Variants in FER observed in about 807,000 individuals in gnomAD.
The protein encoded by FER is FER tyrosine kinase.
A neutral mutation model predicts 111.0 loss-of-function variants in FER; 63 were observed. The ratio of observed to expected loss-of-function variants is 0.57; its 90% confidence interval spans 0.46 to 0.70. FER has a LOEUF of 0.70. Among genes scored for constraint, FER ranks in the 30% least tolerant of loss-of-function variants. The probability of loss-of-function intolerance (pLI) is 0.00; values close to 1 mark genes in which losing one functional copy is unlikely to be tolerated. For synonymous variants in FER, 327 were observed against 313.9 expected, an observed-to-expected ratio of 1.04 and a Z score of -0.44; for missense variants, 914 against 954.0, an observed-to-expected ratio of 0.96 and a Z score of 0.55.
At chr5:109,154,649 T>C (rs953283433) in intron 17 of FER, among the ~76,000 whole-genome samples, 1 of 151,904 alleles carries the variant, frequency 6.6e-6, no homozygotes, top group African/African-American at 2.4e-5. Context: ...ACTTTCAAAA[T>C]GTTCAGAGAA....
intron 2 of FER, among the ~76,000 whole-genome samples, chr5:108,775,476 T>C (rs1385893576): frequency 6.6e-6 from 1 of 152,220 alleles, no homozygotes; most frequent in Non-Finnish European, 1.5e-5. Flanking sequence ...TTGTTAATAA[T>C]TCTGCTCTCC....
intron 10 of FER, among the ~76,000 whole-genome samples, chr5:108,908,738 A>AC (rs1307614219): frequency 1.5e-4 from 23 of 152,146 alleles, no homozygotes; most frequent in African/African-American, 4.1e-4. Context: ...AAAAAAAAAA[A>AC]AATTTATATT....
chr5:108,993,890 T>C (rs1332684739), intron 13 of FER, among the ~76,000 whole-genome samples: 1 of 152,018 alleles, frequency 6.6e-6, no homozygotes, highest in African/African-American at 2.4e-5. Context: ...GATGTTGAGC[T>C]TTTTTTTCAT....
intron 12 of FER, among the ~76,000 whole-genome samples, chr5:108,956,419 C>G: frequency 6.6e-6 from 1 of 151,578 alleles, no homozygotes; most frequent in South Asian, 2.1e-4. Flanking sequence ...AAATATTTGT[C>G]TTATTATCAC....
intron 16 of FER, among the ~76,000 whole-genome samples, chr5:109,067,534 AT>A (rs921321018): frequency 1.3e-5 from 2 of 150,676 alleles, no homozygotes; most frequent in African/African-American, 4.9e-5. Flanking sequence ...TGCCCTCTTT[AT>A]TTTTTTTAAT....
chr5:108,816,287 A>T (rs1758272333), intron 3 of FER, among the ~76,000 whole-genome samples: 1 of 152,236 alleles, frequency 6.6e-6, no homozygotes, highest in South Asian at 2.1e-4. Context: ...CATAGTAGAC[A>T]CACACTTCAG....
chr5:109,111,713 T>C (rs904260784), intron 17 of FER, among the ~76,000 whole-genome samples: 2 of 152,070 alleles, frequency 1.3e-5, no homozygotes, highest in Non-Finnish European at 2.9e-5. Context: ...GTAAGCACTT[T>C]CTTCACATAG....
chr5:108,866,792 G>A (rs1764114142), intron 5 of FER, among the ~76,000 whole-genome samples: 1 of 152,086 alleles, frequency 6.6e-6, no homozygotes, highest in African/African-American at 2.4e-5. Context: ...AGTCTACAAT[G>A]ACAAGAAATA....
intron 13 of FER, among the ~76,000 whole-genome samples, chr5:108,992,185 G>C (rs1329115421): frequency 6.6e-6 from 1 of 152,106 alleles, no homozygotes; most frequent in Non-Finnish European, 1.5e-5. Flanking sequence ...GAGAGCACAG[G>C]GTTGGGGGTA....
intron 6 of FER, 125 bp from the exon 7 acceptor site, chr5:108,871,240 C>T: frequency 1.5e-6 from 1 of 674,754 alleles, no homozygotes; most frequent in East Asian, 2.9e-5. Context: ...TAAGGTGGTA[C>T]AGGAAACAAC....
chr5:109,001,558 C>T (rs907947631), intron 13 of FER, among the ~76,000 whole-genome samples: 32 of 152,290 alleles, frequency 2.1e-4, no homozygotes, highest in Non-Finnish European at 2.6e-4. Context: ...GAAGCATTCC[C>T]TTTGAAAACT....
At chr5:109,149,214 C>T (rs1257865936) in intron 17 of FER, among the ~76,000 whole-genome samples, 1 of 152,090 alleles carries the variant, frequency 6.6e-6, no homozygotes, top group Non-Finnish European at 1.5e-5. Flanking sequence ...AATTTGAGGC[C>T]TCTCTTAAAT....
In FER at chr5:109,146,578, A is replaced by T. The variant is rs548477365; in HGVS notation, c.2049-34169A>T. ...CAGTAACATTTCCTTGTATGGCAAAATTTTTAAATTATGAACATATATGAC... is the reference window on the plus strand; with the variant it reads ...CAGTAACATTTCCTTGTATGGCAAATTTTTTAAATTATGAACATATATGAC... On this transcript the variant is annotated intron_variant, in intron 17 of 19. Coordinates refer to ENST00000281092, the MANE Select transcript of FER (RefSeq NM_005246.4). 1.4e-3 allele frequency among the ~76,000 whole-genome samples: 216 copies of T among 151,834 alleles called. 3 individuals carry two copies. In the South Asian group the frequency reaches 0.016, roughly 12 times the overall value.
At chr5:109,034,995 TTTAAA>T (rs1224795777) in intron 13 of FER, among the ~76,000 whole-genome samples, 2 of 151,748 alleles carry the variant, frequency 1.3e-5, no homozygotes, top group Non-Finnish European at 2.9e-5. Context: ...TTCCACAGGT[TTTAAA>T]TATATAGTTC....
intron 13 of FER, among the ~76,000 whole-genome samples, chr5:109,006,675 A>G (rs1581618972): frequency 1.3e-5 from 2 of 152,200 alleles, no homozygotes; most frequent in African/African-American, 4.8e-5. Flanking sequence ...TATAACAAAA[A>G]TAGGAAGGGT....
intron 13 of FER, among the ~76,000 whole-genome samples, chr5:109,029,245 C>CTTTTTTTTT (rs367692424): frequency 1.6e-5 from 2 of 125,914 alleles, no homozygotes; most frequent in Non-Finnish European, 1.7e-5. Flanking sequence ...TTCTTCTTAC[C>CTTTTTTTTT]TTTTTTTTTT....
chr5:109,045,083 T>C (rs1771759140), intron 15 of FER, among the ~76,000 whole-genome samples: 1 of 152,054 alleles, frequency 6.6e-6, no homozygotes, highest in Non-Finnish European at 1.5e-5. Context: ...ACTGTGCTTA[T>C]GATAAAAATA....
intron 16 of FER, among the ~76,000 whole-genome samples, chr5:109,053,956 G>A (rs913729024): frequency 2.0e-5 from 3 of 152,060 alleles, no homozygotes; most frequent in Admixed American, 6.5e-5. Flanking sequence ...CTCCCAAAGT[G>A]CTAGGATTAC....
chr5:108,851,980 G>T (rs914981607), intron 5 of FER, among the ~76,000 whole-genome samples: 1 of 152,156 alleles, frequency 6.6e-6, no homozygotes, highest in Non-Finnish European at 1.5e-5. Flanking sequence ...AGAGGCACTT[G>T]AAAGGAGTTC....
Sources: gnomAD v4.1 joint callset for allele counts (sites outside exome capture counted in the v4.1 genomes callset) on GRCh38, gnomAD v4.1.1 for gene constraint, MANE v1.5 for transcripts, NCBI Gene and HGNC (gene_info 2026-07-23, HGNC 2026-07-21) for gene names.